UNC5B: variants seen among roughly 807,000 people sequenced by gnomAD.
UNC5B encodes the protein netrin receptor UNC5B.
Under a neutral mutation model 103.7 loss-of-function variants are expected in UNC5B, and 56 were observed. That is an observed-to-expected ratio of 0.54 (90% CI 0.44 to 0.67). The LOEUF (loss-of-function observed/expected upper bound fraction) is 0.67. Ranked by LOEUF, UNC5B falls within the 30% of genes least tolerant of loss-of-function variation. The probability of loss-of-function intolerance (pLI) is 0.00; values close to 1 mark genes in which losing one functional copy is unlikely to be tolerated. For missense variants in UNC5B, 1,194 were observed against 1,284.5 expected, an observed-to-expected ratio of 0.93 and a Z score of 1.08; for synonymous variants, 577 against 542.0, an observed-to-expected ratio of 1.06 and a Z score of -0.90.
intron 1 of UNC5B, among the ~76,000 whole-genome samples, chr10:71,260,398 C>G (rs1407153438): frequency 6.6e-6 from 1 of 152,198 alleles, no homozygotes; most frequent in African/African-American, 2.4e-5. Context: ...CCGGGTGTGG[C>G]CCATAGTCCC....
chr10:71,286,556 C>T, intron 4 of UNC5B, 133 bp from the exon 5 acceptor site: 1 of 1,158,156 alleles, frequency 8.6e-7, no homozygotes, highest in Non-Finnish European at 1.2e-6. Context: ...GTACAGTGTC[C>T]AGTGCTATAG....
chr10:71,243,481 C>T (rs1843953989), intron 1 of UNC5B, among the ~76,000 whole-genome samples: 1 of 152,312 alleles, frequency 6.6e-6, no homozygotes, highest in South Asian at 2.1e-4. Context: ...AGGAACTGAA[C>T]TTTTAATTTT....
intron 1 of UNC5B, among the ~76,000 whole-genome samples, chr10:71,274,809 C>T (rs1331894713): frequency 2.6e-5 from 4 of 152,078 alleles, no homozygotes; most frequent in South Asian, 2.1e-4. Flanking sequence ...GTTCTACCTA[C>T]GCTCTGCTTT....
chr10:71,286,017 T>C (rs1030616070), intron 4 of UNC5B, among the ~76,000 whole-genome samples: 1 of 152,188 alleles, frequency 6.6e-6, no homozygotes, highest in Non-Finnish European at 1.5e-5. Flanking sequence ...CATGCACTCA[T>C]CATTCAGCCT....
intron 1 of UNC5B, among the ~76,000 whole-genome samples, chr10:71,248,853 TCTCTCTCTCTCTCTCACA>T (rs934133032): frequency 3.0e-5 from 1 of 32,882 alleles, no homozygotes; most frequent in Admixed American, 3.1e-4. Flanking sequence ...TCTCTGTCTC[TCTCTCTCTCTCTCTCACA>T]CACACACACA....
At chr10:71,234,046 G>A (rs1332271457) in intron 1 of UNC5B, among the ~76,000 whole-genome samples, 2 of 152,214 alleles carry the variant, frequency 1.3e-5, no homozygotes, top group Admixed American at 6.5e-5. Context: ...TTCTTTTTAC[G>A]GTTCAAGTTT....
intron 1 of UNC5B, among the ~76,000 whole-genome samples, chr10:71,238,709 G>C (rs1478937624): frequency 6.6e-6 from 1 of 152,106 alleles, no homozygotes; most frequent in Non-Finnish European, 1.5e-5. Context: ...TCTGCCTCAG[G>C]CCTCCCAAAG....
chr10:71,283,677 A>G (rs1252990425), intron 2 of UNC5B, among the ~76,000 whole-genome samples: 1 of 152,140 alleles, frequency 6.6e-6, no homozygotes, highest in Non-Finnish European at 1.5e-5. Flanking sequence ...ACTTCAGATG[A>G]ATGTCCCCTT....
chr10:71,296,791 A>C (rs767405889), intron 15 of UNC5B, 49 bp downstream of exon 15: 11 of 1,560,486 alleles, frequency 7.0e-6, no homozygotes, highest in Admixed American at 1.8e-5. Context: ...ACACTGGCGG[A>C]GGTGAGGGAA....
intron 1 of UNC5B, among the ~76,000 whole-genome samples, chr10:71,216,191 A>C (rs755820238): frequency 6.6e-6 from 1 of 152,178 alleles, no homozygotes; most frequent in African/African-American, 2.4e-5. Flanking sequence ...CACAACCTCA[A>C]TCTAGTGCTT....
Position 71,262,603 on chromosome 10 carries a change from G to A in UNC5B, c.80-17218G>A, listed in dbSNP as rs114352499. Among the ~76,000 whole-genome samples the A allele has an allele frequency of 3.4e-3, 523 of 152,308 alleles. 6 individuals are homozygous for A. Among genetic ancestry groups the A allele is most frequent in the African/African-American group, 0.012 (495 of 41,562 alleles). On this transcript the variant is annotated intron_variant, in intron 1 of 16. Transcript: ENST00000335350. The stretch of plus-strand genomic sequence containing the variant: ...GGCTGGCACTGGGTTACAGCAGTGG[G>A]TAAACAGGTGCCATCCAGCCAGAAA...
chr10:71,281,002 T>C (rs1210034622), intron 2 of UNC5B, among the ~76,000 whole-genome samples: 13 of 152,170 alleles, frequency 8.5e-5, no homozygotes, highest in Middle Eastern at 3.2e-3. Context: ...TCCCTGCTCA[T>C]TTCTCTCTCT....
Sources: gnomAD v4.1 joint callset for allele counts (sites outside exome capture counted in the v4.1 genomes callset) on GRCh38, gnomAD v4.1.1 for gene constraint, MANE v1.5 for transcripts, NCBI Gene and HGNC (gene_info 2026-07-23, HGNC 2026-07-21) for gene names.